The following TBCEL variants were observed in gnomAD, a reference collection of about 807,000 sequenced individuals.
The protein encoded by TBCEL is tubulin-specific chaperone cofactor E-like protein.
Under a neutral mutation model 44.2 loss-of-function variants are expected in TBCEL, and 15 were observed. The ratio of observed to expected loss-of-function variants is 0.34; its 90% confidence interval spans 0.23 to 0.52. TBCEL has a LOEUF of 0.52. Among genes scored for constraint, TBCEL ranks in the 20% least tolerant of loss-of-function variants. TBCEL has a pLI of 0.95. For missense variants in TBCEL, 319 were observed against 506.3 expected, an observed-to-expected ratio of 0.63 and a Z score of 3.55; for synonymous variants, 171 against 185.4, an observed-to-expected ratio of 0.92 and a Z score of 0.63.
intron 2 of TBCEL, among the ~76,000 whole-genome samples, chr11:121,044,467 T>C (rs529666255): frequency 3.9e-5 from 6 of 152,256 alleles, no homozygotes; most frequent in African/African-American, 1.4e-4. Context: ...TGCTTACTCA[T>C]ATATACCATA....
At chr11:121,043,928 A>C (rs1361261177) in intron 2 of TBCEL, among the ~76,000 whole-genome samples, 1 of 152,058 alleles carries the variant, frequency 6.6e-6, no homozygotes, top group Non-Finnish European at 1.5e-5. Flanking sequence ...TTCCACAGGC[A>C]CTTCAAATTG....
At chr11:121,059,581 T>G (rs1020105281) in intron 7 of TBCEL, among the ~76,000 whole-genome samples, 2 of 152,050 alleles carry the variant, frequency 1.3e-5, no homozygotes, top group African/African-American at 4.8e-5. Context: ...TTATATATTC[T>G]GGATACATTG....
intron 3 of TBCEL, 98 bp downstream of exon 3, chr11:121,045,921 A>G: frequency 1.6e-6 from 2 of 1,273,708 alleles, no homozygotes; most frequent in Non-Finnish European, 2.1e-6. Flanking sequence ...TTTTATTTTT[A>G]ATTACAGTCA....
chr11:121,031,817 A>G (rs1945151331), intron 1 of TBCEL, among the ~76,000 whole-genome samples: 1 of 151,490 alleles, frequency 6.6e-6, no homozygotes, highest in Non-Finnish European at 1.5e-5. Context: ...GGCACATGCC[A>G]CCATGCCCGA....
chr11:121,088,828 C>T lies in TBCEL; in HGVS notation c.*1732C>T, dbSNP rs1946252954. The stretch of plus-strand genomic sequence containing the variant: ...ACCCAGGCCTACTGAGTCAAATCTA[C>T]ATTCAGTGTAACATTAAAGGTGGAA... On this transcript the variant is annotated 3_prime_UTR_variant, in exon 9 of 9. Coordinates refer to ENST00000683345, the MANE Select transcript of TBCEL (RefSeq NM_001363644.2). 1 of 152,136 alleles carries T rather than the reference C, an allele frequency of 6.6e-6. No individual in the cohort carries two copies. Among genetic ancestry groups the T allele is most frequent in the Non-Finnish European group, 1.5e-5 (1 of 68,016 alleles). The allele number at this position is 152,136 out of a possible 1,614,324, so 9.4% of individuals were successfully genotyped here. A position where few individuals can be genotyped will look rare whatever the true frequency, so the allele number is the denominator to read the frequency against.
intron 4 of TBCEL, among the ~76,000 whole-genome samples, chr11:121,052,222 C>T (rs1392916692): frequency 6.6e-6 from 1 of 151,668 alleles, no homozygotes; most frequent in East Asian, 1.9e-4. Flanking sequence ...AATAAGTGTC[C>T]ACTATGCAGT....
At chr11:121,041,729 G>A (rs1293765316) in intron 2 of TBCEL, among the ~76,000 whole-genome samples, 6 of 149,274 alleles carry the variant, frequency 4.0e-5, no homozygotes, top group African/African-American at 1.2e-4. Context: ...CCCACCTACT[G>A]TTCCTCCTCA....
chr11:121,026,726 G>T (rs1337527378), intron 1 of TBCEL, among the ~76,000 whole-genome samples: 1 of 152,196 alleles, frequency 6.6e-6, no homozygotes, highest in East Asian at 1.9e-4. Flanking sequence ...CTTTAAAAAT[G>T]ACCTCTTAAT....
chr11:121,040,589 T>A (rs747995187), intron 2 of TBCEL, among the ~76,000 whole-genome samples: 3 of 152,110 alleles, frequency 2.0e-5, no homozygotes, highest in Non-Finnish European at 4.4e-5. Flanking sequence ...ATTATCTATT[T>A]CTATTTTTAT....
intron 8 of TBCEL, among the ~76,000 whole-genome samples, chr11:121,081,815 A>G (rs1371180277): frequency 6.6e-6 from 1 of 152,188 alleles, no homozygotes; most frequent in East Asian, 1.9e-4. Flanking sequence ...TTATTTATGT[A>G]ACTTTTAAGG....
At chr11:121,080,977 A>T (rs1361337481) in intron 8 of TBCEL, among the ~76,000 whole-genome samples, 1 of 152,230 alleles carries the variant, frequency 6.6e-6, no homozygotes, top group Non-Finnish European at 1.5e-5. Flanking sequence ...GTTCCACCAC[A>T]GGTGGCTTCA....
intron 2 of TBCEL, among the ~76,000 whole-genome samples, chr11:121,043,616 G>A (rs1206560845): frequency 1.3e-5 from 2 of 152,158 alleles, no homozygotes; most frequent in East Asian, 3.9e-4. Context: ...CTATAACCAT[G>A]TTTGGGTCTT....
chr11:121,025,512 T>C (rs1317977637), intron 1 of TBCEL, among the ~76,000 whole-genome samples: 3 of 152,232 alleles, frequency 2.0e-5, no homozygotes, highest in Non-Finnish European at 4.4e-5. Flanking sequence ...TTACCCTTAT[T>C]ATATGTGATA....
Position 121,047,316 on chromosome 11 carries a change from G to A in TBCEL, c.134-212G>A, listed in dbSNP as rs369183185. 1.5e-4 allele frequency among the ~76,000 whole-genome samples: 23 copies of A among 151,984 alleles called. No individual in the cohort carries two copies. The East Asian group carries it at 3.7e-3, about 24-fold the overall frequency. Reference sequence around the variant, plus strand: ...CCTAGAGGACTTTTTTTGGTGGTACGGGTGCAGTACTTCTGAACTCCTCCT... The same window carrying A: ...CCTAGAGGACTTTTTTTGGTGGTACAGGTGCAGTACTTCTGAACTCCTCCT... On this transcript the variant is annotated intron_variant, in intron 3 of 8. Coordinates refer to ENST00000683345, the MANE Select transcript of TBCEL (RefSeq NM_001363644.2).
chr11:121,050,776 T>C (rs1279184660), intron 4 of TBCEL, among the ~76,000 whole-genome samples: 1 of 151,736 alleles, frequency 6.6e-6, no homozygotes, highest in African/African-American at 2.4e-5. Flanking sequence ...TTCTTCCTTT[T>C]TGGAAGCCAA....
intron 8 of TBCEL, among the ~76,000 whole-genome samples, chr11:121,065,152 A>G (rs987592022): frequency 4.6e-5 from 7 of 152,158 alleles, no homozygotes; most frequent in Non-Finnish European, 8.8e-5. Flanking sequence ...ACGTTTTTCC[A>G]TATAAATAAC....
At chr11:121,029,194 G>A (rs150899250) in intron 1 of TBCEL, among the ~76,000 whole-genome samples, 4 of 152,170 alleles carry the variant, frequency 2.6e-5, no homozygotes, top group African/African-American at 9.6e-5. Flanking sequence ...CTCCCTCAGT[G>A]TTCTCAAAGT....
intron 4 of TBCEL, among the ~76,000 whole-genome samples, chr11:121,049,589 G>T (rs1289093295): frequency 6.6e-6 from 1 of 151,736 alleles, no homozygotes. Context: ...TGAACAACTT[G>T]TATAGTTTAC....
chr11:121,049,728 A>G (rs1355243433), intron 4 of TBCEL, among the ~76,000 whole-genome samples: 1 of 151,800 alleles, frequency 6.6e-6, no homozygotes, highest in African/African-American at 2.4e-5. Context: ...TGCCTGGACC[A>G]TGTATATAAG....
Sources: allele counts gnomAD v4.1 joint callset (sites outside exome capture counted in the v4.1 genomes callset), GRCh38; gene constraint gnomAD v4.1.1; transcripts MANE v1.5; gene names NCBI Gene and HGNC (gene_info 2026-07-23, HGNC 2026-07-21).